The following ASH1L variants were observed in gnomAD, a reference collection of about 807,000 sequenced individuals.
ASH1L encodes ASH1 like histone lysine methyltransferase.
In ASH1L, 23 loss-of-function variants were observed where a neutral mutation model predicts 269.0. The observed-to-expected ratio is 0.09, with a 90% CI of 0.06 to 0.12. The LOEUF (loss-of-function observed/expected upper bound fraction) is 0.12. ASH1L is among the 10% of genes least tolerant of loss of function. The pLI is 1.00. For synonymous variants in ASH1L, 1,187 were observed against 1,253.5 expected, an observed-to-expected ratio of 0.95 and a Z score of 1.12; for missense variants, 2,912 against 3,567.8, an observed-to-expected ratio of 0.82 and a Z score of 4.68.
chr1:155,367,233 C>A (rs1326969412), intron 12 of ASH1L, among the ~76,000 whole-genome samples: 1 of 152,180 alleles, frequency 6.6e-6, no homozygotes, highest in Non-Finnish European at 1.5e-5. Context: ...ACCTCATGAT[C>A]CGCTCGCCTT....
At chr1:155,412,454 G>C (rs1448514455) in intron 6 of ASH1L, among the ~76,000 whole-genome samples, 1 of 151,992 alleles carries the variant, frequency 6.6e-6, no homozygotes, top group East Asian at 1.9e-4. Flanking sequence ...AAAAAGAAAG[G>C]TTCAGAGAGT....
In ASH1L at chr1:155,479,348, C is replaced by G. The variant is rs769935449; in HGVS notation, c.3522G>C (p.Leu1174Phe). 2.5e-6 allele frequency: 4 copies of G among 1,614,078 alleles called. No individual in the cohort carries two copies. The highest frequency in any genetic ancestry group is 3.3e-5 in the Admixed American group (2 of 60,004). The change falls in exon 3 of 28, where the codon TTG (leucine) becomes TTC (phenylalanine). Residue 1174 changes from leucine (L) to phenylalanine (F), a missense_variant. Transcript: ENST00000392403. ...PTLLPNSPSHLSELTSLKEAT... is the reference protein window; with the variant it reads ...PTLLPNSPSHFSELTSLKEAT... ...CTTCTTTTAGAGATGTGAGTTCACT[C>G]AAGTGCGAAGGAGAATTTGGCAACA... is the stretch of plus-strand genomic sequence containing the variant.
Position 155,346,407 on chromosome 1 carries a change from C to A in ASH1L, c.7866G>T (p.Gln2622His), listed in dbSNP as rs1653331235. The change falls in exon 21 of 28, where the codon CAG (glutamine) becomes CAT (histidine). Residue 2622 changes from glutamine to histidine, a missense_variant. Gln to His is a conservative substitution (Grantham distance 24). Around this residue, in one of 13 missense-constraint regions of ASH1L, gnomAD observed 179 missense variants for 293.8 expected, o/e 0.61. Transcript: ENST00000392403. ...NSDVEHYLCEQCDPRPVDREV... is the reference protein window; with the variant it reads ...NSDVEHYLCEHCDPRPVDREV... ...CCCTGTCCACAGGCCTTGGGTCACA[C>A]TGCTCACAAAGGTAGTGCTCCACAT... 1 of 1,614,086 alleles carries A rather than the reference C, an allele frequency of 6.2e-7. No homozygotes were observed. Among genetic ancestry groups the A allele is most frequent in the Non-Finnish European group, 8.5e-7 (1 of 1,180,006 alleles).
At chr1:155,411,642 C>T (rs866141447) in intron 6 of ASH1L, among the ~76,000 whole-genome samples, 64 of 107,548 alleles carry the variant, frequency 6.0e-4, no homozygotes, top group African/African-American at 2.1e-3. Context: ...GTTCCTGGCT[C>T]TTAACTCCCA....
chr1:155,448,983 G>T (rs1302748916), intron 4 of ASH1L, among the ~76,000 whole-genome samples: 1 of 151,748 alleles, frequency 6.6e-6, no homozygotes, highest in East Asian at 1.9e-4. Context: ...TGCCAGGCTG[G>T]AGTGCAGTAG....
chr1:155,355,959 C>T (rs1421981510), intron 15 of ASH1L, among the ~76,000 whole-genome samples: 2 of 140,722 alleles, frequency 1.4e-5, no homozygotes, highest in South Asian at 2.3e-4. Context: ...TTTTTTGAGA[C>T]GGAGTTTTGC....
chr1:155,501,941 A>G (rs1168620733), intron 2 of ASH1L, among the ~76,000 whole-genome samples: 2 of 152,154 alleles, frequency 1.3e-5, no homozygotes, highest in African/African-American at 4.8e-5. Context: ...GATTACAGGC[A>G]TGAGCCACTG....
rs942636856 is a variant in ASH1L at position 155,348,530 on chromosome 1, C to T, written c.7555-626G>A. Among the ~76,000 whole-genome samples the T allele has an allele frequency of 6.6e-5, 10 of 152,072 alleles. No individual in the cohort carries two copies. The South Asian group carries it at 1.0e-3, about 16-fold the overall frequency. ...AATCAGTTCAAGGCCACTTTCTCTC[C>T]AATGAGCTTCAGCTATTCCATAATC... On this transcript the variant is annotated intron_variant, in intron 19 of 27. Coordinates refer to ENST00000392403, the MANE Select transcript of ASH1L (RefSeq NM_018489.3).
chr1:155,397,450 T>C (rs1293758432), intron 6 of ASH1L, among the ~76,000 whole-genome samples: 1 of 151,394 alleles, frequency 6.6e-6, no homozygotes, highest in South Asian at 2.1e-4. Context: ...TGAGCCGAGA[T>C]TGTGCCATTG....
At chr1:155,366,424 C>T (rs1655425666) in intron 12 of ASH1L, among the ~76,000 whole-genome samples, 1 of 152,144 alleles carries the variant, frequency 6.6e-6, no homozygotes, top group Non-Finnish European at 1.5e-5. Flanking sequence ...CAGCAGCCCT[C>T]GGGGCTGCTC....
intron 5 of ASH1L, among the ~76,000 whole-genome samples, chr1:155,436,287 G>C (rs570442540): frequency 6.6e-6 from 1 of 151,680 alleles, no homozygotes; most frequent in Non-Finnish European, 1.5e-5. Flanking sequence ...CACCTCCCGT[G>C]TTCAAGGGAT....
At chr1:155,553,847 A>G (rs1042561369) in intron 1 of ASH1L, among the ~76,000 whole-genome samples, 1 of 150,916 alleles carries the variant, frequency 6.6e-6, no homozygotes, top group Non-Finnish European at 1.5e-5. Flanking sequence ...CCCAGGCAGG[A>G]GTGCAGTGGC....
chr1:155,360,563 C>T (rs1654858619), intron 12 of ASH1L, among the ~76,000 whole-genome samples, 154 bp from the exon 13 acceptor site: 1 of 152,110 alleles, frequency 6.6e-6, no homozygotes, highest in Non-Finnish European at 1.5e-5. Flanking sequence ...CCTGCCTCAG[C>T]CTCCTGAGTA....
At chr1:155,415,073 G>A (rs1443633723) in intron 6 of ASH1L, among the ~76,000 whole-genome samples, 1 of 152,088 alleles carries the variant, frequency 6.6e-6, no homozygotes, top group Non-Finnish European at 1.5e-5. Flanking sequence ...GCCATTTATT[G>A]CTTAAGTTAA....
rs950044604 is a variant in ASH1L, at chr1:155,424,227, A to G, written c.5829-8304T>C. 4.7e-4 allele frequency among the ~76,000 whole-genome samples: 72 copies of G among 152,192 alleles called. 1 individual carries two copies. Among genetic ancestry groups the G allele is most frequent in the African/African-American group, 1.7e-3 (72 of 41,446 alleles). ...AATCGTAGTAAAAACGATGAGAAATAAAGAACTTCAAGAGATCACTTTGTA... is the reference window on the plus strand; with the variant it reads ...AATCGTAGTAAAAACGATGAGAAATGAAGAACTTCAAGAGATCACTTTGTA... On this transcript the variant is annotated intron_variant, in intron 5 of 27. Transcript: ENST00000392403.
chr1:155,335,592 T>TA lies in ASH1L; in HGVS notation c.*2067dup, dbSNP rs1180876950. 4 of 152,394 alleles carry TA rather than the reference T, an allele frequency of 2.6e-5. No individual in the cohort carries two copies. The highest frequency in any genetic ancestry group is 5.9e-5 in the Non-Finnish European group (4 of 67,940). The allele number at this position is 152,394 out of a possible 1,614,324, so 9.4% of individuals were successfully genotyped here. ...TCGTTATTATAAAATAACTGAAAAA[T>TA]AAAAAAAGGCATTAATTTCTACACC... On this transcript the variant is annotated 3_prime_UTR_variant, in exon 28 of 28. Transcript: ENST00000392403.
At chr1:155,411,586 A>AATATATATATATATATATATATATATAT (rs368800129) in intron 6 of ASH1L, among the ~76,000 whole-genome samples, 72 of 55,052 alleles carry the variant, frequency 1.3e-3, no homozygotes, top group Admixed American at 1.8e-3. Context: ...TAAATAAATA[A>AATATATATATATATATATATATATATAT]ATATATATAT....
intron 10 of ASH1L, among the ~76,000 whole-genome samples, chr1:155,374,543 AC>A (rs1656262768): frequency 6.6e-6 from 1 of 152,178 alleles, no homozygotes; most frequent in South Asian, 2.1e-4. Flanking sequence ...TGTAAAGAAG[AC>A]AGTGCCTTAA....
chr1:155,459,470 A>G (rs1047699325), intron 4 of ASH1L, among the ~76,000 whole-genome samples: 1 of 152,256 alleles, frequency 6.6e-6, no homozygotes, highest in African/African-American at 2.4e-5. Flanking sequence ...TGCTGGGATT[A>G]TAGGCGTAAG....
Sources: allele counts gnomAD v4.1 joint callset (sites outside exome capture counted in the v4.1 genomes callset), GRCh38; gene constraint gnomAD v4.1.1; regional missense constraint gnomAD v4.1.1; transcripts MANE v1.5; gene names NCBI Gene and HGNC (gene_info 2026-07-23, HGNC 2026-07-21).